USP16: variants seen among roughly 807,000 people sequenced by gnomAD.
USP16 encodes the protein ubiquitin carboxyl-terminal hydrolase 16.
In USP16, 77 loss-of-function variants were observed where a neutral mutation model predicts 95.9. The observed-to-expected ratio is 0.80, with a 90% confidence interval of 0.67 to 0.97. The LOEUF (loss-of-function observed/expected upper bound fraction) is 0.97. USP16 is among the 50% of genes least tolerant of loss of function. The probability of loss-of-function intolerance (pLI) is 0.00; values close to 1 mark genes in which losing one functional copy is unlikely to be tolerated. For missense variants in USP16, 943 were observed against 959.9 expected (o/e 0.98, Z 0.23); for synonymous variants, 303 against 318.2 (o/e 0.95, Z 0.51).
chr21:29,034,679 T>C (rs555207246), intron 3 of USP16, among the ~76,000 whole-genome samples, 158 bp from the exon 4 acceptor site: 17 of 152,354 alleles, frequency 1.1e-4, no homozygotes, highest in African/African-American at 4.1e-4. Flanking sequence ...CATATGTAAG[T>C]TTTAACAAAA....
intron 7 of USP16, 73 bp from the exon 8 acceptor site, chr21:29,038,953 A>G (rs2085202674): frequency 7.2e-7 from 1 of 1,388,788 alleles, no homozygotes; most frequent in Non-Finnish European, 9.5e-7. Flanking sequence ...GTATATGTTA[A>G]CTAATTAGAT....
At chr21:29,037,576 A>C (rs2085178380) in intron 6 of USP16, 113 bp downstream of exon 6, 8 of 748,544 alleles carry the variant, frequency 1.1e-5, no homozygotes, top group Non-Finnish European at 1.5e-5. Context: ...TATCCAAAGA[A>C]AACTTTTTTT....
At chr21:29,048,329 C>T (rs554844274) in intron 14 of USP16, among the ~76,000 whole-genome samples, 6 of 152,064 alleles carry the variant, frequency 3.9e-5, no homozygotes, top group Admixed American at 2.0e-4. Context: ...GTGATTTGCC[C>T]GCCTAGGCCT....
In USP16 at chr21:29,043,410, T is replaced by C; in HGVS notation, c.1180-13T>C. ...AAAATTTTGTTTTTGACCTATGTTA[T>C]CTATATTTTAAGAGTGGTAAGAAAA... On this transcript the variant is annotated splice_polypyrimidine_tract_variant and intron_variant, in intron 12 of 17. Coordinates refer to ENST00000399976, the MANE Select transcript of USP16 (RefSeq NM_006447.3). 1 of 1,460,178 alleles carries C rather than the reference T, an allele frequency of 6.8e-7. No individual in the cohort carries two copies. The highest frequency in any genetic ancestry group is 2.3e-4 in the Middle Eastern group (1 of 4,352). The allele number at this position is 1,460,178 out of a possible 1,614,324, so 90.5% of individuals were successfully genotyped here.
chr21:29,048,717 C>A, intron 14 of USP16, 44 bp from the exon 15 acceptor site: 1 of 1,501,690 alleles, frequency 6.7e-7, no homozygotes, highest in South Asian at 1.1e-5. Context: ...CTTTAGGGGT[C>A]TAAAATGATT....
At chr21:29,047,942 G>A (rs1325579924) in intron 14 of USP16, among the ~76,000 whole-genome samples, 1 of 151,020 alleles carries the variant, frequency 6.6e-6, no homozygotes, top group African/African-American at 2.5e-5. Context: ...ATATGTGTGT[G>A]TATGTATATA....
At position 29,047,172 on chromosome 21, in the gene USP16, C is replaced by G. The variant is rs1055754239; in HGVS notation, c.1862C>G (p.Ala621Gly). 5 of 1,614,122 alleles carry G rather than the reference C, an allele frequency of 3.1e-6. No homozygotes were observed. Among genetic ancestry groups the G allele is most frequent in the Non-Finnish European group, 3.4e-6 (4 of 1,180,020 alleles). Residue 621 changes from alanine to glycine, a missense_variant, in exon 14 of 18, where the codon GCA becomes GGA. Ala to Gly is a moderately conservative substitution (Grantham distance 60). Coordinates refer to ENST00000399976, the MANE Select transcript of USP16 (RefSeq NM_006447.3). Reference sequence around the variant, plus strand: ...CCAGAAACTGCTTTCTGTACTCTTGCAAACAGGGAAGTTTTCAATACTGAT... The same window carrying G: ...CCAGAAACTGCTTTCTGTACTCTTGGAAACAGGGAAGTTTTCAATACTGAT... ...EDPETAFCTL[A>G]NREVFNTDEC...
In USP16 at chr21:29,054,159, ACCT is replaced by A. The variant is rs1362689480; in HGVS notation, c.2448_2450del (p.Leu817del). On this transcript the variant is annotated inframe_deletion, in exon 18 of 18. Coordinates refer to ENST00000399976, the MANE Select transcript of USP16 (RefSeq NM_006447.3). ...ACTAAAGTACTAAACTCACAAGCGT[ACCT>A]CCTATTTTATGAGAGAATACTGTAA... 5 of 1,613,994 alleles carry A rather than the reference ACCT, an allele frequency of 3.1e-6. No individual in the cohort carries two copies. The highest frequency in any genetic ancestry group is 4.2e-6 in the Non-Finnish European group (5 of 1,179,962).
At chr21:29,025,242 A>G (rs1274716655) in intron 1 of USP16, among the ~76,000 whole-genome samples, 1 of 152,180 alleles carries the variant, frequency 6.6e-6, no homozygotes, top group Non-Finnish European at 1.5e-5. Flanking sequence ...CCTGCTGACA[A>G]AGTTTTCCAC....
chr21:29,034,589 T>G (rs991751498), intron 3 of USP16, among the ~76,000 whole-genome samples: 2 of 152,208 alleles, frequency 1.3e-5, no homozygotes, highest in Non-Finnish European at 2.9e-5. Flanking sequence ...AGTGCTGGGA[T>G]TACAGGTGTG....
intron 3 of USP16, among the ~76,000 whole-genome samples, chr21:29,033,674 A>G (rs930215689): frequency 1.3e-5 from 2 of 152,250 alleles, no homozygotes; most frequent in Non-Finnish European, 2.9e-5. Flanking sequence ...ATTTGGTAAT[A>G]GATTAAGTCT....
At chr21:29,051,939 A>AT (rs2085421409) in intron 16 of USP16, among the ~76,000 whole-genome samples, 2 of 152,048 alleles carry the variant, frequency 1.3e-5, no homozygotes, top group South Asian at 4.1e-4. Context: ...AAGGTACATG[A>AT]TCATTTATTA....
chr21:29,037,353 A>G lies in USP16; in HGVS notation c.526A>G (p.Lys176Glu). The G allele has an allele frequency of 6.2e-7, 1 of 1,606,234 alleles. No individual in the cohort carries two copies. Among genetic ancestry groups the G allele is most frequent in the South Asian group, 1.1e-5 (1 of 89,502 alleles). Residue 176 changes from lysine to glutamate, a missense_variant, in exon 6 of 18, where the codon AAG becomes GAG. By Grantham distance (56) the Lys-to-Glu change is moderately conservative (BLOSUM62 1). Coordinates refer to ENST00000399976, the MANE Select transcript of USP16 (RefSeq NM_006447.3). ...GAGTAAGAATGAACAAGAGAGAGAA[A>G]AGAAGGAAAACATGGCTAAAGAGAA... ...KESKNEQERE[K>E]KENMAKENPP...
In USP16 at chr21:29,050,079, G is replaced by A; in HGVS notation, c.2107-13G>A. The stretch of plus-strand genomic sequence containing the variant: ...CCAAGAAAAGAAGTCAATCTGTTAT[G>A]CTTCTCTTTTAGGCTGGTTTTAACC... On this transcript the variant is annotated splice_polypyrimidine_tract_variant and intron_variant, in intron 15 of 17. Coordinates refer to ENST00000399976, the MANE Select transcript of USP16 (RefSeq NM_006447.3). 16 of 1,607,508 alleles carry A rather than the reference G, an allele frequency of 1.0e-5. No homozygotes were observed. Among genetic ancestry groups the A allele is most frequent in the African/African-American group, 1.3e-5 (1 of 74,728 alleles).
At chr21:29,032,266 C>T (rs2085088329) in intron 3 of USP16, among the ~76,000 whole-genome samples, 1 of 152,084 alleles carries the variant, frequency 6.6e-6, no homozygotes, top group South Asian at 2.1e-4. Flanking sequence ...GGGTCTCACT[C>T]TCTCACCCAG....
chr21:29,052,577 G>A (rs2085432294), intron 16 of USP16: 1 of 152,190 alleles, frequency 6.6e-6, no homozygotes, highest in Admixed American at 6.5e-5. Flanking sequence ...GGGAATTGTG[G>A]GAGCTACAAC....
intron 16 of USP16, 134 bp downstream of exon 16, chr21:29,050,312 C>G (rs571632185): frequency 7.4e-6 from 5 of 676,924 alleles, no homozygotes; most frequent in Non-Finnish European, 1.2e-5. Context: ...ATCATTGTAC[C>G]TTTATAATTT....
chr21:29,040,848 A>C (rs951735084), intron 10 of USP16, among the ~76,000 whole-genome samples, 161 bp downstream of exon 10: 1 of 152,232 alleles, frequency 6.6e-6, no homozygotes, highest in Non-Finnish European at 1.5e-5. Flanking sequence ...AGAAGTGAAC[A>C]GTTTTACCCC....
chr21:29,025,010 T>A (rs1601032875), intron 1 of USP16: 1 of 333,354 alleles, frequency 3.0e-6, no homozygotes, highest in Non-Finnish European at 5.4e-6. Flanking sequence ...GACCCAGAGG[T>A]TCCCCCGTGG....
Sources: gnomAD v4.1 joint callset for allele counts (sites outside exome capture counted in the v4.1 genomes callset) on GRCh38, gnomAD v4.1.1 for gene constraint, MANE v1.5 for transcripts, NCBI Gene and HGNC (gene_info 2026-07-23, HGNC 2026-07-21) for gene names.